GABRB1: variants seen among roughly 807,000 people sequenced by gnomAD.
GABRB1 encodes the protein gamma-aminobutyric acid type A receptor subunit beta1.
GABRB1 carries 17 observed loss-of-function variants against 51.6 expected under a neutral mutation model. The ratio of observed to expected loss-of-function variants is 0.33; its 90% CI spans 0.23 to 0.49. The LOEUF is 0.49. GABRB1 is among the 20% of genes least tolerant of loss of function. The pLI, the probability that GABRB1 is intolerant of heterozygous loss-of-function variation, is 0.99. For missense variants in GABRB1, 410 were observed against 600.6 expected (o/e 0.68, Z 3.32); for synonymous variants, 247 against 218.9 (o/e 1.13, Z -1.14).
At chr4:47,412,518 C>A (rs1184787926) in intron 8 of GABRB1, among the ~76,000 whole-genome samples, 3 of 152,060 alleles carry the variant, frequency 2.0e-5, no homozygotes, top group Non-Finnish European at 4.4e-5. Flanking sequence ...CTCTGGTATT[C>A]TTTTTGAATC....
Position 47,311,411 on chromosome 4 carries a change from CAAAAAAAAAAA to C in GABRB1, c.462-8704_462-8694del, listed in dbSNP as rs71276540. On this transcript the variant is annotated intron_variant, in intron 4 of 8. Transcript: ENST00000295454. Reference sequence around the variant, plus strand: ...TGGATAACGGAGCGAGACTCTGTCTCAAAAAAAAAAAAAAAAAAAAAAGATAGTCGATTATC... The same window carrying C: ...TGGATAACGGAGCGAGACTCTGTCTCAAAAAAAAAAAGATAGTCGATTATC... Among the ~76,000 whole-genome samples, 307 of 46,362 alleles carry C rather than the reference CAAAAAAAAAAA, an allele frequency of 6.6e-3. 1 individual carries two copies. Among genetic ancestry groups the C allele is most frequent in the African/African-American group, 0.023 (295 of 12,596 alleles). The allele number at this position is 46,362 out of a possible 152,430, so 30.4% of individuals were successfully genotyped here.
chr4:47,265,408 A>G lies in GABRB1; in HGVS notation c.462-54719A>G, dbSNP rs991121533. On this transcript the variant is annotated intron_variant, in intron 4 of 8. Coordinates refer to ENST00000295454, the MANE Select transcript of GABRB1 (RefSeq NM_000812.4). ...ATTTGCCATTGTGAATAGTGCTGCA[A>G]TAAACATATGAGCGCAGATATCTTT... is the stretch of plus-strand genomic sequence containing the variant. Among the ~76,000 whole-genome samples, 6 of 152,292 alleles carry G rather than the reference A, an allele frequency of 3.9e-5. No homozygotes were observed. In the South Asian group the frequency reaches 1.2e-3, roughly 32 times the overall value.
chr4:47,057,876 A>T (rs1471879982), intron 3 of GABRB1, among the ~76,000 whole-genome samples: 1 of 152,194 alleles, frequency 6.6e-6, no homozygotes, highest in Non-Finnish European at 1.5e-5. Context: ...CCTCACAAAG[A>T]TATTATACAG....
intron 4 of GABRB1, among the ~76,000 whole-genome samples, chr4:47,318,166 T>C (rs1724955263): frequency 6.6e-6 from 1 of 151,994 alleles, no homozygotes; most frequent in African/African-American, 2.4e-5. Flanking sequence ...CTCAGTCCTC[T>C]CATTAATCAA....
chr4:47,210,419 T>C (rs139404945), intron 4 of GABRB1, among the ~76,000 whole-genome samples: 4 of 152,260 alleles, frequency 2.6e-5, no homozygotes, highest in Non-Finnish European at 5.9e-5. Flanking sequence ...GGGAAGTCTC[T>C]CAGGGATCTA....
chr4:47,394,977 CAG>C (rs1227826106), intron 5 of GABRB1, among the ~76,000 whole-genome samples: 1 of 152,158 alleles, frequency 6.6e-6, no homozygotes, highest in African/African-American at 2.4e-5. Flanking sequence ...GTTAAGTAGA[CAG>C]ACATAGAAGC....
intron 4 of GABRB1, among the ~76,000 whole-genome samples, chr4:47,227,549 CT>C (rs1174573726): frequency 6.6e-6 from 1 of 152,092 alleles, no homozygotes; most frequent in Non-Finnish European, 1.5e-5. Context: ...AAGGAATTAG[CT>C]GATCCTACAT....
At chr4:47,051,340 A>G (rs1013831788) in intron 3 of GABRB1, among the ~76,000 whole-genome samples, 7 of 152,214 alleles carry the variant, frequency 4.6e-5, no homozygotes, top group African/African-American at 7.2e-5. Context: ...AGAAAAGTTG[A>G]AAGCAGAATA....
At chr4:47,241,467 A>G (rs540430249) in intron 4 of GABRB1, among the ~76,000 whole-genome samples, 1 of 152,202 alleles carries the variant, frequency 6.6e-6, no homozygotes, top group African/African-American at 2.4e-5. Context: ...CTGGCACACC[A>G]TAGACATGTT....
chr4:47,422,971 T>A (rs1729137467), intron 8 of GABRB1, among the ~76,000 whole-genome samples: 1 of 152,182 alleles, frequency 6.6e-6, no homozygotes, highest in South Asian at 2.1e-4. Context: ...TCCTCTTTAG[T>A]GTAGTTTTCC....
chr4:47,252,091 C>T lies in GABRB1; in HGVS notation c.462-68036C>T, dbSNP rs62303990. 7.4e-5 allele frequency among the ~76,000 whole-genome samples: 11 copies of T among 148,240 alleles called. No individual in the cohort carries two copies. In the East Asian group the frequency reaches 1.0e-3, roughly 14 times the overall value. ...GTGTTCCCGCCACCGCCCCCCACCCCGCTGCCCCCCCTCCTACTCCTCTGG... is the reference window on the plus strand; with the variant it reads ...GTGTTCCCGCCACCGCCCCCCACCCTGCTGCCCCCCCTCCTACTCCTCTGG... On this transcript the variant is annotated intron_variant, in intron 4 of 8. Transcript: ENST00000295454.
intron 4 of GABRB1, among the ~76,000 whole-genome samples, chr4:47,185,873 T>C (rs1719156551): frequency 6.6e-6 from 1 of 151,842 alleles, no homozygotes. Flanking sequence ...AGCTCTCAAG[T>C]GCTGGGGAAG....
At chr4:47,330,322 A>AT (rs1313029861) in intron 5 of GABRB1, among the ~76,000 whole-genome samples, 1 of 152,200 alleles carries the variant, frequency 6.6e-6, no homozygotes, top group African/African-American at 2.4e-5. Context: ...ACACCTCGTG[A>AT]TCCAGCCAAG....
chr4:47,288,976 G>GCAC (rs1723621614), intron 4 of GABRB1, among the ~76,000 whole-genome samples: 1 of 151,888 alleles, frequency 6.6e-6, no homozygotes, highest in Non-Finnish European at 1.5e-5. Context: ...TACTAGCATG[G>GCAC]CACCTTATTG....
At chr4:47,101,837 T>G (rs1424408827) in intron 3 of GABRB1, among the ~76,000 whole-genome samples, 1 of 151,994 alleles carries the variant, frequency 6.6e-6, no homozygotes, top group Non-Finnish European at 1.5e-5. Flanking sequence ...TTTGAAAACT[T>G]GGTCCTTAGA....
chr4:47,312,259 C>G (rs1415184139), intron 4 of GABRB1, among the ~76,000 whole-genome samples: 2 of 152,262 alleles, frequency 1.3e-5, no homozygotes, highest in Non-Finnish European at 2.9e-5. Context: ...AACAGTTTAT[C>G]TCCTTTGGTT....
At chr4:47,201,157 G>T (rs553480849) in intron 4 of GABRB1, among the ~76,000 whole-genome samples, 2 of 152,082 alleles carry the variant, frequency 1.3e-5, no homozygotes, top group South Asian at 4.1e-4. Context: ...CCAAACTTGT[G>T]TAAGGATACA....
chr4:47,199,869 G>T (rs1290806659), intron 4 of GABRB1, among the ~76,000 whole-genome samples: 2 of 152,048 alleles, frequency 1.3e-5, no homozygotes. Flanking sequence ...AAAAAATGTT[G>T]TCAGTCAATA....
At chr4:47,101,037 A>G (rs368966419) in intron 3 of GABRB1, among the ~76,000 whole-genome samples, 5 of 152,130 alleles carry the variant, frequency 3.3e-5, no homozygotes, top group African/African-American at 1.2e-4. Context: ...AAAATTATGA[A>G]CAATTCCATG....
Sources: allele counts gnomAD v4.1 joint callset (sites outside exome capture counted in the v4.1 genomes callset), GRCh38; gene constraint gnomAD v4.1.1; transcripts MANE v1.5; gene names NCBI Gene and HGNC (gene_info 2026-07-23, HGNC 2026-07-21).